The following C14orf39 variants were observed in gnomAD, a reference collection of about 807,000 sequenced individuals.
C14orf39 encodes the protein protein SIX6OS1.
A neutral mutation model predicts 85.6 loss-of-function variants in C14orf39; 66 were observed. That is an observed-to-expected ratio of 0.77 (90% CI 0.63 to 0.95). C14orf39 has a LOEUF of 0.95. Ranked by LOEUF, C14orf39 falls within the 40% of genes least tolerant of loss-of-function variation. The probability of loss-of-function intolerance (pLI) is 0.00; values close to 1 mark genes in which losing one functional copy is unlikely to be tolerated. For synonymous variants in C14orf39, 242 were observed against 214.0 expected, an observed-to-expected ratio of 1.13 and a Z score of -1.14; for missense variants, 735 against 663.9, an observed-to-expected ratio of 1.11 and a Z score of -1.18.
intron 1 of C14orf39, chr14:60,511,328 T>A: frequency 2.7e-6 from 4 of 1,488,690 alleles, no homozygotes; most frequent in Non-Finnish European, 3.7e-6. Context: ...GGGAAGAAGA[T>A]GAGAGACCTG....
chr14:60,480,035 G>A (rs2140151001), intron 4 of C14orf39, among the ~76,000 whole-genome samples: 1 of 152,256 alleles, frequency 6.6e-6, no homozygotes, highest in Non-Finnish European at 1.5e-5. Context: ...ACAGATATAT[G>A]AAAAAATGCT....
chr14:60,439,157 T>C (rs373898145), intron 17 of C14orf39, among the ~76,000 whole-genome samples: 2 of 152,146 alleles, frequency 1.3e-5, no homozygotes, highest in African/African-American at 2.4e-5. Context: ...TATCAAAATA[T>C]CACATGGACC....
intron 5 of C14orf39, among the ~76,000 whole-genome samples, chr14:60,474,909 G>A (rs1285126149): frequency 1.3e-5 from 2 of 152,184 alleles, no homozygotes; most frequent in African/African-American, 2.4e-5. Context: ...GATGATGCTG[G>A]CCTCATAAAA....
chr14:60,466,275 A>T (rs577192804), intron 10 of C14orf39, among the ~76,000 whole-genome samples: 27 of 152,136 alleles, frequency 1.8e-4, no homozygotes, highest in South Asian at 1.7e-3. Flanking sequence ...AGGCCAACTG[A>T]CAAAACTGTA....
Position 60,485,978 on chromosome 14 carries a change from C to A in C14orf39, c.-42G>T. The A allele has an allele frequency of 6.5e-6, 1 of 153,162 alleles. No homozygotes were observed. 9.5% of individuals were successfully genotyped at this position (153,162 alleles called of 1,614,324 possible). On this transcript the variant is annotated 5_prime_UTR_variant, in exon 1 of 18. Transcript: ENST00000321731. Reference sequence around the variant, plus strand: ...CTCCTCTGGACCCGAACGCCCACACCCTCCCTCCCTGGGGTCCCAAACTCC... The same window carrying A: ...CTCCTCTGGACCCGAACGCCCACACACTCCCTCCCTGGGGTCCCAAACTCC...
intron 7 of C14orf39, among the ~76,000 whole-genome samples, chr14:60,470,175 G>A (rs1413959463): frequency 1.3e-5 from 2 of 151,658 alleles, no homozygotes; most frequent in Non-Finnish European, 1.5e-5. Flanking sequence ...TCAAAAGACA[G>A]GCAGATCTTC....
In C14orf39 at chr14:60,468,538, TA is replaced by T; in HGVS notation, c.676-3del. 6.5e-7 allele frequency: 1 copy of T among 1,539,482 alleles called. No homozygotes were observed. The highest frequency in any genetic ancestry group is 2.3e-5 in the East Asian group (1 of 43,014). ...AGTTTCATTATGCCTAGATATCTGC[TA>T]AAAAGACAATTGGGAACACAAAACA... On this transcript the variant is annotated splice_polypyrimidine_tract_variant and splice_region_variant and intron_variant, in intron 8 of 17. Transcript: ENST00000321731.
chr14:60,465,942 G>A, intron 11 of C14orf39, 37 bp downstream of exon 11: 1 of 1,055,118 alleles, frequency 9.5e-7, no homozygotes, highest in Non-Finnish European at 1.4e-6. Context: ...AATGCAAGCA[G>A]GTATTTAATT....
chr14:60,483,955 G>T, intron 3 of C14orf39, 138 bp from the exon 4 acceptor site: 1 of 580,098 alleles, frequency 1.7e-6, no homozygotes, highest in Non-Finnish European at 2.9e-6. Flanking sequence ...GCTTGAGATG[G>T]GTGGGACCGT....
rs1164564020 is a variant in C14orf39, at chr14:60,436,701, T to G, written c.*144A>C. The G allele has an allele frequency of 1.8e-6, 1 of 559,544 alleles. No homozygotes were observed. Among genetic ancestry groups the G allele is most frequent in the African/African-American group, 2.0e-5 (1 of 51,234 alleles). The allele number at this position is 559,544 out of a possible 1,614,324, so 34.7% of individuals were successfully genotyped here. A position where few individuals can be genotyped will look rare whatever the true frequency, so the allele number is the denominator to read the frequency against. Reference sequence around the variant, plus strand: ...AAACCCAAAATATTCAGTATTTCAATATTTCAATAAATATAATCAAATAAT... The same window carrying G: ...AAACCCAAAATATTCAGTATTTCAAGATTTCAATAAATATAATCAAATAAT... On this transcript the variant is annotated 3_prime_UTR_variant, in exon 18 of 18. Coordinates refer to ENST00000321731, the MANE Select transcript of C14orf39 (RefSeq NM_174978.3).
At chr14:60,510,802 A>T (rs899611192) in intron 1 of C14orf39, among the ~76,000 whole-genome samples, 5 of 152,244 alleles carry the variant, frequency 3.3e-5, no homozygotes, top group African/African-American at 1.2e-4. Context: ...AGTGCACAAC[A>T]AACAGGGAGG....
At chr14:60,440,228 T>G (rs544277470) in intron 17 of C14orf39, among the ~76,000 whole-genome samples, 1 of 152,228 alleles carries the variant, frequency 6.6e-6, no homozygotes, top group East Asian at 1.9e-4. Flanking sequence ...GAAATTCATA[T>G]GTACAATTTC....
At chr14:60,452,713 T>C (rs1158624333) in intron 16 of C14orf39, among the ~76,000 whole-genome samples, 2 of 152,186 alleles carry the variant, frequency 1.3e-5, no homozygotes, top group East Asian at 1.9e-4. Flanking sequence ...CTTTCTATGA[T>C]ATGATTATTT....
chr14:60,459,363 T>G (rs1484617530), intron 13 of C14orf39, among the ~76,000 whole-genome samples: 1 of 151,750 alleles, frequency 6.6e-6, no homozygotes, highest in Non-Finnish European at 1.5e-5. Flanking sequence ...TATCCTTGCA[T>G]GTATGTACTT....
chr14:60,515,256 G>A lies in C14orf39; in HGVS notation c.-144+139C>T, dbSNP rs1566692880. On this transcript the variant is annotated intron_variant, in intron 1 of 5. Coordinates refer to the C14orf39 transcript ENST00000556799. The surrounding 1 kb of genome is among the most constrained non-coding windows in gnomAD (Gnocchi z 6.2). Reference sequence around the variant, plus strand: ...CCCTCGGGGAGGCGCCCCAAGCCACGGTCCGCTCCCAAAGAGAAGCCCAGA... The same window carrying A: ...CCCTCGGGGAGGCGCCCCAAGCCACAGTCCGCTCCCAAAGAGAAGCCCAGA... 1 of 151,874 alleles carries A rather than the reference G, an allele frequency of 6.6e-6. No homozygotes were observed. 9.4% of individuals were successfully genotyped at this position (151,874 alleles called of 1,614,324 possible).
chr14:60,485,463 G>A (rs1398170971), intron 1 of C14orf39, among the ~76,000 whole-genome samples: 1 of 152,214 alleles, frequency 6.6e-6, no homozygotes, highest in Non-Finnish European at 1.5e-5. Context: ...TCCCTTGGTG[G>A]CGTGTGTACA....
chr14:60,462,855 C>T lies in C14orf39; in HGVS notation c.973-1262G>A, dbSNP rs1891593594. ...AGTGTATTTTATGTGTGGCCCAATA[C>T]AATTCTTCTTTTTCCAGTGTGGCCC... On this transcript the variant is annotated intron_variant, in intron 11 of 17. Transcript: ENST00000321731. 1.3e-5 allele frequency among the ~76,000 whole-genome samples: 2 copies of T among 152,028 alleles called. 1 individual carries two copies. The highest frequency in any genetic ancestry group is 4.1e-4 in the South Asian group (2 of 4,824).
intron 5 of C14orf39, among the ~76,000 whole-genome samples, chr14:60,477,188 C>G (rs907606171): frequency 3.9e-5 from 6 of 152,144 alleles, no homozygotes; most frequent in Non-Finnish European, 7.4e-5. Context: ...TGCCTACCCT[C>G]TAGATGATGG....
intron 1 of C14orf39, among the ~76,000 whole-genome samples, chr14:60,514,014 C>T (rs1018630349): frequency 1.3e-5 from 2 of 152,208 alleles, no homozygotes; most frequent in African/African-American, 4.8e-5. Context: ...GGGGGTGACA[C>T]ATTACTTGTA....
Sources: gnomAD v4.1 joint callset for allele counts (sites outside exome capture counted in the v4.1 genomes callset) on GRCh38, gnomAD v4.1.1 for gene constraint, Gnocchi (gnomAD v3.1) non-coding constraint, MANE v1.5 for transcripts, NCBI Gene and HGNC (gene_info 2026-07-23, HGNC 2026-07-21) for gene names.